The following CALN1 variants were observed in gnomAD, a reference collection of about 807,000 sequenced individuals.
CALN1 encodes calcium-binding protein 8.
In CALN1, 17 loss-of-function variants were observed where a neutral mutation model predicts 30.6. The observed-to-expected ratio is 0.56, with a 90% CI of 0.38 to 0.83. CALN1 has a LOEUF of 0.83. Among genes scored for constraint, CALN1 ranks in the 40% least tolerant of loss-of-function variants. The probability of loss-of-function intolerance (pLI) is 0.00; values close to 1 mark genes in which losing one functional copy is unlikely to be tolerated. For missense variants in CALN1, 291 were observed against 354.9 expected (o/e 0.82, Z 1.45); for synonymous variants, 156 against 131.4 (o/e 1.19, Z -1.28).
At chr7:72,177,749 A>AC (rs1554307036) in intron 3 of CALN1, among the ~76,000 whole-genome samples, 5 of 120,136 alleles carry the variant, frequency 4.2e-5, no homozygotes, top group Non-Finnish European at 9.1e-5. Flanking sequence ...TGGGCGACAG[A>AC]GGGAAAAAAA....
chr7:72,264,202 C>T (rs1049037484), intron 3 of CALN1, among the ~76,000 whole-genome samples: 3 of 152,160 alleles, frequency 2.0e-5, no homozygotes, highest in Non-Finnish European at 4.4e-5. Context: ...TCTGCTCTAA[C>T]CTTTACAAGG....
At chr7:72,479,251 T>C in the CALN1 span, among the ~76,000 whole-genome samples, 1 of 152,310 alleles carries the variant, frequency 6.6e-6, no homozygotes, top group African/African-American at 2.4e-5. Context: ...TGTTTTCTTC[T>C]TATCAAGTTT....
intron 2 of CALN1, among the ~76,000 whole-genome samples, chr7:72,324,098 G>T (rs543734263): frequency 6.6e-6 from 1 of 152,050 alleles, no homozygotes; most frequent in African/African-American, 2.4e-5. Flanking sequence ...TTGGAGAAAT[G>T]GTGTCCGAGT....
At chr7:72,021,080 G>A (rs1800677742) in intron 5 of CALN1, among the ~76,000 whole-genome samples, 1 of 151,996 alleles carries the variant, frequency 6.6e-6, no homozygotes, top group Non-Finnish European at 1.5e-5. Context: ...AGACCAGCCT[G>A]GGCAACATAG....
Position 72,023,684 on chromosome 7 carries a change from C to G in CALN1, c.474G>C (p.Gly158=). 1 of 1,613,916 alleles carries G rather than the reference C, an allele frequency of 6.2e-7. No individual in the cohort carries two copies. The highest frequency in any genetic ancestry group is 8.5e-7 in the Non-Finnish European group (1 of 1,179,906). ...GCCAGAATATGCTGTCTATCGTGTTCCCAAGAAAACCATCGCGACCTTCTG... is the reference window on the plus strand; with the variant it reads ...GCCAGAATATGCTGTCTATCGTGTTGCCAAGAAAACCATCGCGACCTTCTG... ...VSSEGRDGFL[G]NTIDSIFWQF... is the part of the protein sequence containing the mutation. The change falls in exon 5 of 7, where the codon GGG becomes GGC. Residue 158 remains glycine, a synonymous_variant. Transcript: ENST00000395275.
intron 3 of CALN1, among the ~76,000 whole-genome samples, chr7:72,212,995 TCA>T (rs1400736482): frequency 6.6e-6 from 1 of 152,190 alleles, no homozygotes; most frequent in East Asian, 1.9e-4. Flanking sequence ...CAAGAAAGCC[TCA>T]CTCTCAGGAC....
rs554803521 is a variant in CALN1, at chr7:71,930,432, T to C, written c.501+93225A>G. ...CTTTCTGTATGTTGTCTTTCTATCA[T>C]TGAAAGAGTTCTTTATACATTCTAG... On this transcript the variant is annotated intron_variant, in intron 5 of 6. Transcript: ENST00000395275. 5.9e-5 allele frequency among the ~76,000 whole-genome samples: 9 copies of C among 152,354 alleles called. No homozygotes were observed. The South Asian group carries it at 6.2e-4, about 11-fold the overall frequency.
Position 72,045,857 on chromosome 7 carries a change from G to T in CALN1, c.389-22088C>A, listed in dbSNP as rs544392942. ...TCTACTAAAAATACAAAAATTAGCT[G>T]GGTGTGGTGGCAGTTGCCTGTAATC... is the stretch of plus-strand genomic sequence containing the variant. On this transcript the variant is annotated intron_variant, in intron 4 of 6. Transcript: ENST00000395275. Among the ~76,000 whole-genome samples, 4 of 152,058 alleles carry T rather than the reference G, an allele frequency of 2.6e-5. No individual in the cohort carries two copies. In the East Asian group the frequency reaches 7.8e-4, roughly 30 times the overall value.
chr7:72,365,634 G>T (rs978234861), intron 2 of CALN1, among the ~76,000 whole-genome samples: 1 of 151,984 alleles, frequency 6.6e-6, no homozygotes, highest in South Asian at 2.1e-4. Flanking sequence ...GTCTTGCTAT[G>T]TTGCCCAGGC....
intron 4 of CALN1, among the ~76,000 whole-genome samples, chr7:72,058,483 ATTT>A (rs1224950698): frequency 3.3e-5 from 5 of 151,542 alleles, no homozygotes; most frequent in Non-Finnish European, 7.4e-5. Context: ...ACACTCAGCT[ATTT>A]TTTTGTATTT....
At chr7:72,004,632 A>T (rs911760624) in intron 5 of CALN1, among the ~76,000 whole-genome samples, 2 of 152,196 alleles carry the variant, frequency 1.3e-5, no homozygotes, top group Non-Finnish European at 2.9e-5. Context: ...TGCAAACAAC[A>T]TATCTGACCA....
At chr7:72,501,854 A>G in the CALN1 span, among the ~76,000 whole-genome samples, 1 of 142,480 alleles carries the variant, frequency 7.0e-6, no homozygotes, top group South Asian at 2.3e-4. Flanking sequence ...AGTTGCAGTG[A>G]GCTGAGATCA....
intron 5 of CALN1, among the ~76,000 whole-genome samples, chr7:71,998,710 A>G (rs1799377165): frequency 6.6e-6 from 1 of 151,764 alleles, no homozygotes; most frequent in African/African-American, 2.4e-5. Context: ...GCGTACACCA[A>G]CATGCCCAGC....
At chr7:72,084,802 C>A (rs935320880) in intron 4 of CALN1, among the ~76,000 whole-genome samples, 2 of 152,110 alleles carry the variant, frequency 1.3e-5, no homozygotes, top group Middle Eastern at 3.2e-3. Flanking sequence ...TCACTTTCTG[C>A]GGCTTCAGTT....
chr7:72,383,106 G>A (rs772342701), intron 2 of CALN1, among the ~76,000 whole-genome samples: 10 of 152,088 alleles, frequency 6.6e-5, no homozygotes, highest in Non-Finnish European at 1.5e-4. Flanking sequence ...TCTTTTTTAT[G>A]GCTGCATAGT....
At chr7:72,132,846 CTG>C (rs1809251565) in intron 3 of CALN1, among the ~76,000 whole-genome samples, 1 of 152,146 alleles carries the variant, frequency 6.6e-6, no homozygotes, top group African/African-American at 2.4e-5. Context: ...CAATTTCGGT[CTG>C]TAGCCTGTTA....
intron 2 of CALN1, among the ~76,000 whole-genome samples, chr7:72,302,573 G>C (rs1273666131): frequency 6.6e-6 from 1 of 152,030 alleles, no homozygotes; most frequent in Non-Finnish European, 1.5e-5. Flanking sequence ...AGATTAGCCA[G>C]CATACCAAGC....
chr7:72,402,971 G>C (rs1014587142), intron 2 of CALN1, among the ~76,000 whole-genome samples: 1 of 152,164 alleles, frequency 6.6e-6, no homozygotes, highest in Non-Finnish European at 1.5e-5. Context: ...CACTCTGTAA[G>C]TTGTATTTGT....
chr7:71,871,943 T>C (rs1791957591), intron 5 of CALN1, among the ~76,000 whole-genome samples: 2 of 152,328 alleles, frequency 1.3e-5, no homozygotes, highest in South Asian at 4.1e-4. Flanking sequence ...CTTTCTGCCA[T>C]GATGGAAATG....
Sources: gnomAD v4.1 joint callset for allele counts (sites outside exome capture counted in the v4.1 genomes callset) on GRCh38, gnomAD v4.1.1 for gene constraint, MANE v1.5 for transcripts, NCBI Gene and HGNC (gene_info 2026-07-23, HGNC 2026-07-21) for gene names.